The following PPP4R2 variants were observed in gnomAD, a reference collection of about 807,000 sequenced individuals.
PPP4R2 encodes protein phosphatase 4 regulatory subunit 2, also known as serine/threonine-protein phosphatase 4 regulatory subunit 2.
PPP4R2 carries 13 observed loss-of-function variants against 47.2 expected under a neutral mutation model. That is an observed-to-expected ratio of 0.28 (90% CI 0.18 to 0.44). The LOEUF (loss-of-function observed/expected upper bound fraction) is 0.44, where lower values mean the gene tolerates loss of function less well. Among genes scored for constraint, PPP4R2 ranks in the 20% least tolerant of loss-of-function variants. The probability of loss-of-function intolerance (pLI) is 1.00; values close to 1 mark genes in which losing one functional copy is unlikely to be tolerated. For missense variants in PPP4R2, 421 were observed against 491.2 expected (o/e 0.86, Z 1.35); for synonymous variants, 151 against 163.3 (o/e 0.92, Z 0.57).
chr3:73,065,098 C>T lies in PPP4R2; in HGVS notation c.885C>T (p.His295=). Residue 295 remains histidine, a synonymous_variant, in exon 8 of 9, where the codon CAC becomes CAT. Coordinates refer to ENST00000356692, the MANE Select transcript of PPP4R2 (RefSeq NM_174907.4). ...KDKDSRCTRQ[H]CTEEDEEEDE... ...AAGATAGCCGTTGTACCCGGCAGCACTGTACAGAAGAGGATGAAGAAGAGG... is the reference window on the plus strand; with the variant it reads ...AAGATAGCCGTTGTACCCGGCAGCATTGTACAGAAGAGGATGAAGAAGAGG... The T allele has an allele frequency of 6.2e-7, 1 of 1,613,884 alleles. No individual in the cohort carries two copies. Among genetic ancestry groups the T allele is most frequent in the Non-Finnish European group, 8.5e-7 (1 of 1,179,920 alleles).
chr3:73,021,900 ATTT>A (rs775338491), intron 2 of PPP4R2, among the ~76,000 whole-genome samples: 1 of 114,750 alleles, frequency 8.7e-6, no homozygotes, highest in Non-Finnish European at 1.7e-5. Context: ...ATATATATAT[ATTT>A]TTTTTTTTTT....
chr3:73,022,888 A>G (rs1168065352), intron 2 of PPP4R2, among the ~76,000 whole-genome samples: 2 of 151,790 alleles, frequency 1.3e-5, no homozygotes, highest in Non-Finnish European at 2.9e-5. Context: ...GCAACTTGGA[A>G]GAGACATTCA....
At chr3:73,021,035 C>G (rs548585692) in intron 2 of PPP4R2, among the ~76,000 whole-genome samples, 4 of 152,056 alleles carry the variant, frequency 2.6e-5, no homozygotes, top group African/African-American at 7.2e-5. Flanking sequence ...TAACACTTGT[C>G]AAAGATTTGT....
intron 3 of PPP4R2, among the ~76,000 whole-genome samples, chr3:73,049,367 C>T (rs1365280736): frequency 3.9e-5 from 6 of 151,954 alleles, no homozygotes; most frequent in South Asian, 2.1e-4. Flanking sequence ...GGCGTTGTCG[C>T]GGACGCCCAT....
At chr3:73,006,896 C>G (rs1366537376) in intron 2 of PPP4R2, among the ~76,000 whole-genome samples, 2 of 152,072 alleles carry the variant, frequency 1.3e-5, no homozygotes, top group Admixed American at 6.6e-5. Flanking sequence ...GTCACAGATC[C>G]CAGTAATGTT....
At chr3:73,054,766 A>G (rs1702694198) in intron 3 of PPP4R2, among the ~76,000 whole-genome samples, 1 of 152,154 alleles carries the variant, frequency 6.6e-6, no homozygotes, top group Non-Finnish European at 1.5e-5. Context: ...TGATTTTTTT[A>G]GAGTCTGAAT....
At chr3:73,003,160 A>G (rs775898781) in intron 2 of PPP4R2, among the ~76,000 whole-genome samples, 4 of 151,740 alleles carry the variant, frequency 2.6e-5, no homozygotes, top group Non-Finnish European at 5.9e-5. Flanking sequence ...GCCCCCATTT[A>G]AAAGTTTTTC....
intron 2 of PPP4R2, among the ~76,000 whole-genome samples, chr3:73,011,253 G>T (rs2107225763): frequency 6.6e-6 from 1 of 152,318 alleles, no homozygotes; most frequent in African/African-American, 2.4e-5. Context: ...GCCGAGGCGG[G>T]TGGATCATCT....
At chr3:72,997,612 C>G (rs1701377525) in intron 1 of PPP4R2, among the ~76,000 whole-genome samples, 1 of 152,152 alleles carries the variant, frequency 6.6e-6, no homozygotes. Flanking sequence ...AGAACAGTGG[C>G]TTACAAACTT....
At chr3:73,052,160 A>G (rs1023590044) in intron 3 of PPP4R2, among the ~76,000 whole-genome samples, 8 of 152,012 alleles carry the variant, frequency 5.3e-5, no homozygotes, top group Non-Finnish European at 8.8e-5. Flanking sequence ...TGGGGACTAG[A>G]AAAAAAAGAA....
chr3:73,028,271 A>G (rs1379619637), intron 2 of PPP4R2, among the ~76,000 whole-genome samples: 1 of 151,824 alleles, frequency 6.6e-6, no homozygotes, highest in Non-Finnish European at 1.5e-5. Context: ...AAAAAAAAAA[A>G]AAAAGACGGG....
chr3:73,015,162 C>T (rs1287457527), intron 2 of PPP4R2, among the ~76,000 whole-genome samples: 8 of 152,142 alleles, frequency 5.3e-5, no homozygotes, highest in African/African-American at 1.7e-4. Context: ...AAACACTACC[C>T]ACAAGATCTA....
chr3:73,023,918 T>A lies in PPP4R2; in HGVS notation c.117-23268T>A, dbSNP rs140513389. On this transcript the variant is annotated intron_variant, in intron 2 of 8. Coordinates refer to ENST00000356692, the MANE Select transcript of PPP4R2 (RefSeq NM_174907.4). ...AAAGAATAATTTGGATTACCTTTGC[T>A]TTTTGATATTCAGTTTGAATGTTTT... Among the ~76,000 whole-genome samples the A allele has an allele frequency of 2.1e-3, 313 of 152,318 alleles. 3 individuals are homozygous for A. The highest frequency in any genetic ancestry group is 7.0e-3 in the African/African-American group (290 of 41,574).
rs1703016431 is a variant in PPP4R2, at chr3:73,067,273, T to G, written c.*1551T>G. On this transcript the variant is annotated 3_prime_UTR_variant, in exon 9 of 9. Transcript: ENST00000356692. ...GATACCTGAACTACACAGATGAGCT[T>G]CTAAAACTGATGCAAACAGTTTCTG... is the stretch of plus-strand genomic sequence containing the variant. 6.6e-6 allele frequency: 1 copy of G among 152,148 alleles called. No individual in the cohort carries two copies. Among genetic ancestry groups the G allele is most frequent in the Non-Finnish European group, 1.5e-5 (1 of 67,984 alleles). 9.4% of individuals were successfully genotyped at this position (152,148 alleles called of 1,614,324 possible). A position where few individuals can be genotyped will look rare whatever the true frequency, so the allele number is the denominator to read the frequency against.
intron 2 of PPP4R2, among the ~76,000 whole-genome samples, chr3:73,012,566 G>A (rs1309422563): frequency 6.6e-6 from 1 of 152,196 alleles, no homozygotes; most frequent in African/African-American, 2.4e-5. Context: ...CCTCCAAAGT[G>A]CTGGGGCTAC....
At position 73,016,813 on chromosome 3, in the gene PPP4R2, CTTTTTTTTTTT is replaced by C. The variant is rs1207946652; in HGVS notation, c.116+18667_116+18677del. Among the ~76,000 whole-genome samples the C allele has an allele frequency of 1.6e-4, 12 of 72,900 alleles. 1 individual carries two copies. The highest frequency in any genetic ancestry group is 2.9e-4 in the Non-Finnish European group (12 of 40,838). The allele number at this position is 72,900 out of a possible 152,430, so 47.8% of individuals were successfully genotyped here. A position where few individuals can be genotyped will look rare whatever the true frequency, so the allele number is the denominator to read the frequency against. On this transcript the variant is annotated intron_variant, in intron 2 of 8. Transcript: ENST00000356692. Reference sequence around the variant, plus strand: ...AACTGGCTTTACTGGTTCATTGTTTCTTTTTTTTTTTTTTTTTTTTTTAAATACAGAGTCTC... The same window carrying C: ...AACTGGCTTTACTGGTTCATTGTTTCTTTTTTTTTTTAAATACAGAGTCTC...
At chr3:73,006,154 T>C (rs1701605177) in intron 2 of PPP4R2, among the ~76,000 whole-genome samples, 1 of 151,994 alleles carries the variant, frequency 6.6e-6, no homozygotes, top group Non-Finnish European at 1.5e-5. Context: ...TATTTCTTTT[T>C]ATTTCTGAGT....
chr3:73,033,745 T>G (rs1272686842), intron 2 of PPP4R2, among the ~76,000 whole-genome samples: 1 of 152,218 alleles, frequency 6.6e-6, no homozygotes. Flanking sequence ...GTTTGATGGA[T>G]TTTAGGTACC....
In PPP4R2 at chr3:73,065,103, C is replaced by T. The variant is rs772273894; in HGVS notation, c.890C>T (p.Thr297Ile). The T allele has an allele frequency of 1.2e-6, 2 of 1,613,592 alleles. No individual in the cohort carries two copies. The highest frequency in any genetic ancestry group is 2.2e-5 in the East Asian group (1 of 44,864). ...KDSRCTRQHCTEEDEEEDEEE... is the reference protein window; with the variant it reads ...KDSRCTRQHCIEEDEEEDEEE... ...AGCCGTTGTACCCGGCAGCACTGTA[C>T]AGAAGAGGATGAAGAAGAGGATGAA... The change falls in exon 8 of 9, where the codon ACA becomes ATA. Residue 297 changes from threonine (T) to isoleucine (I), a missense_variant. Around this residue, in one of 2 missense-constraint regions of PPP4R2, gnomAD observed 317 missense variants for 287.5 expected, o/e 1.10. Transcript: ENST00000356692.
Sources: gnomAD v4.1 joint callset for allele counts (sites outside exome capture counted in the v4.1 genomes callset) on GRCh38, gnomAD v4.1.1 for gene constraint, gnomAD v4.1.1 regional missense constraint, MANE v1.5 for transcripts, NCBI Gene and HGNC (gene_info 2026-07-23, HGNC 2026-07-21) for gene names.